The following FAM227A variants were observed in gnomAD, a reference collection of about 807,000 sequenced individuals.
FAM227A encodes the protein protein FAM227A.
In FAM227A, 80 loss-of-function variants were observed where a neutral mutation model predicts 74.7. The observed-to-expected ratio is 1.07, with a 90% CI of 0.89 to 1.29. FAM227A has a LOEUF of 1.29. Ranked by LOEUF, FAM227A falls within the 50% of genes most tolerant of loss-of-function variation. FAM227A has a pLI of 0.00. For missense variants in FAM227A, 654 were observed against 683.4 expected, an observed-to-expected ratio of 0.96 and a Z score of 0.48; for synonymous variants, 237 against 241.8, an observed-to-expected ratio of 0.98 and a Z score of 0.19.
chr22:38,598,509 A>T (rs1000299587), intron 14 of FAM227A, among the ~76,000 whole-genome samples: 2 of 152,204 alleles, frequency 1.3e-5, no homozygotes, highest in African/African-American at 4.8e-5. Context: ...GCAAGAAATA[A>T]AACACTATGA....
intron 3 of FAM227A, among the ~76,000 whole-genome samples, chr22:38,642,943 CAA>C (rs1274976726): frequency 2.0e-5 from 3 of 150,986 alleles, no homozygotes; most frequent in Non-Finnish European, 4.4e-5. Flanking sequence ...CTCAAAAAAA[CAA>C]AAACAAAAAA....
chr22:38,586,362 T>C (rs980390792), intron 16 of FAM227A, among the ~76,000 whole-genome samples, 163 bp from the exon 17 acceptor site: 2 of 152,218 alleles, frequency 1.3e-5, no homozygotes, highest in African/African-American at 4.8e-5. Context: ...GCAGGACAGC[T>C]GGCATCCACG....
At position 38,585,783 on chromosome 22, in the gene FAM227A, C is replaced by T. The variant is rs191433971; in HGVS notation, c.*342G>A. 7 of 392,020 alleles carry T rather than the reference C, an allele frequency of 1.8e-5. No individual in the cohort carries two copies. In the East Asian group the frequency reaches 2.6e-4, roughly 14 times the overall value. The allele number at this position is 392,020 out of a possible 1,614,324, so 24.3% of individuals were successfully genotyped here. ...GGAAACCTTTCTAAACCTGGGCTTG[C>T]TGCTGCGTAAAATGCAGTGGATAAT... On this transcript the variant is annotated 3_prime_UTR_variant, in exon 17 of 17. Coordinates refer to ENST00000535113, the MANE Select transcript of FAM227A (RefSeq NM_001013647.2).
intron 3 of FAM227A, among the ~76,000 whole-genome samples, chr22:38,639,935 C>G (rs1417792902): frequency 6.6e-6 from 1 of 152,136 alleles, no homozygotes; most frequent in Non-Finnish European, 1.5e-5. Context: ...TCACACTGCC[C>G]CTTCTTCTAG....
intron 8 of FAM227A, among the ~76,000 whole-genome samples, chr22:38,627,660 A>C (rs1346459540): frequency 6.6e-6 from 1 of 152,008 alleles, no homozygotes; most frequent in Non-Finnish European, 1.5e-5. Context: ...GCTGTAGTGC[A>C]ATGCTGCAAT....
intron 11 of FAM227A, among the ~76,000 whole-genome samples, chr22:38,610,176 G>A (rs1165008655): frequency 1.3e-5 from 2 of 151,788 alleles, no homozygotes; most frequent in Non-Finnish European, 2.9e-5. Flanking sequence ...ACCACACCTG[G>A]CTAATTTAAA....
intron 12 of FAM227A, among the ~76,000 whole-genome samples, chr22:38,606,757 T>C (rs748926058): frequency 6.6e-5 from 10 of 152,192 alleles, no homozygotes; most frequent in East Asian, 1.9e-4. Context: ...ACCTTAGTAA[T>C]TACTGGTTTC....
At position 38,636,480 on chromosome 22, in the gene FAM227A, G is replaced by C. The variant is rs892040515; in HGVS notation, c.490C>G (p.Arg164Gly). 11 of 1,551,436 alleles carry C rather than the reference G, an allele frequency of 7.1e-6. No homozygotes were observed. The highest frequency in any genetic ancestry group is 8.7e-6 in the Non-Finnish European group (10 of 1,146,856). The change falls in exon 6 of 17, where the codon CGG (arginine) becomes GGG (glycine). Residue 164 changes from arginine (R) to glycine (G), a missense_variant. Transcript: ENST00000535113. ...CCACTAAGGCAGTCTCTCTCAGCCC[G>C]GACCACGTTGCCCACCATGTCACAG... The part of the protein sequence containing the change: ...DFCDMVGNVV[R>G]AERDCLSGKH...
chr22:38,609,674 T>C (rs2091369141), intron 11 of FAM227A, among the ~76,000 whole-genome samples: 1 of 152,188 alleles, frequency 6.6e-6, no homozygotes, highest in Non-Finnish European at 1.5e-5. Flanking sequence ...TGCAGCTGGC[T>C]GTCCAACAGC....
rs16999173 is a variant in FAM227A at position 38,638,781 on chromosome 22, C to T, written c.337G>A (p.Glu113Lys). ...ACAGAAGATCTGGCATGTCTGAGTT[C>T]GGAGCCTTTGCAGGAATACTGAGAT... ...RKSQYSCKGS[E>K]LRHARSSVIK... is the part of the protein sequence containing the mutation. The change falls in exon 5 of 17, where the codon GAA becomes AAA. Residue 113 changes from glutamate (E) to lysine (K), a missense_variant. Glu to Lys is a moderately conservative substitution (Grantham distance 56). Transcript: ENST00000535113. 43,310 of 1,543,244 alleles carry T rather than the reference C, an allele frequency of 0.028. 1,208 individuals are homozygous for T. The highest frequency in any genetic ancestry group is 0.14 in the East Asian group (5,614 of 40,822).
intron 11 of FAM227A, among the ~76,000 whole-genome samples, chr22:38,615,745 G>C (rs1055183127): frequency 6.6e-6 from 1 of 152,174 alleles, no homozygotes. Context: ...GAGGTTTTAA[G>C]CAGGGAATAA....
chr22:38,614,097 T>C (rs189731239), intron 11 of FAM227A, among the ~76,000 whole-genome samples: 1 of 152,242 alleles, frequency 6.6e-6, no homozygotes, highest in African/African-American at 2.4e-5. Context: ...AGGATTCTAG[T>C]CCATGCCTAA....
At chr22:38,639,747 G>C in intron 3 of FAM227A, 23 bp from the exon 4 acceptor site, 1 of 1,467,978 alleles carries the variant, frequency 6.8e-7, no homozygotes, top group Non-Finnish European at 9.3e-7. Context: ...AGAAAAAGGG[G>C]GGCATTAGGG....
Position 38,591,458 on chromosome 22 carries a change from C to T in FAM227A, c.1615G>A (p.Glu539Lys). ...CCCTTAGTTTTCTTGTCAGGTGATT[C>T]CTCATTGACGGCTGAAGGTGGGATG... ...MFIPPSAVNEESPDKKTKEGK... is the reference protein window; with the variant it reads ...MFIPPSAVNEKSPDKKTKEGK... Residue 539 changes from glutamate to lysine, a missense_variant, in exon 16 of 17, where the codon GAA (glutamate) becomes AAA (lysine). Transcript: ENST00000535113. The T allele has an allele frequency of 6.4e-7, 1 of 1,551,284 alleles. No individual in the cohort carries two copies. The highest frequency in any genetic ancestry group is 8.7e-7 in the Non-Finnish European group (1 of 1,146,784).
chr22:38,600,815 G>C (rs1216729107), intron 13 of FAM227A, among the ~76,000 whole-genome samples: 1 of 152,000 alleles, frequency 6.6e-6, no homozygotes. Context: ...AGCTGGGCTT[G>C]GTGGCATGCG....
At chr22:38,646,542 G>A (rs1251082610) in intron 2 of FAM227A, among the ~76,000 whole-genome samples, 3 of 151,820 alleles carry the variant, frequency 2.0e-5, no homozygotes, top group African/African-American at 2.4e-5. Context: ...GATTACAGGC[G>A]TGAGCCACCG....
In FAM227A at chr22:38,600,949, T is replaced by A. The variant is rs1391818598; in HGVS notation, c.1222-1028A>T. Among the ~76,000 whole-genome samples the A allele has an allele frequency of 7.9e-5, 10 of 126,850 alleles. No individual in the cohort carries two copies. The East Asian group carries it at 1.9e-3, about 25-fold the overall frequency. 83.2% of individuals were successfully genotyped at this position (126,850 alleles called of 152,430 possible). A position where few individuals can be genotyped will look rare whatever the true frequency, so the allele number is the denominator to read the frequency against. On this transcript the variant is annotated intron_variant, in intron 13 of 16. Coordinates refer to ENST00000535113, the MANE Select transcript of FAM227A (RefSeq NM_001013647.2). The stretch of plus-strand genomic sequence containing the variant: ...CCTGGCGACAGAGTGAGACTCCGTC[T>A]CAAAAAAAAAAAAAAAGAAAATTAT...
intron 11 of FAM227A, among the ~76,000 whole-genome samples, chr22:38,613,312 C>CAT (rs1435078532): frequency 5.0e-4 from 28 of 56,542 alleles, no homozygotes; most frequent in African/African-American, 2.3e-3. Context: ...TAATATATAA[C>CAT]ATATAATATA....
intron 13 of FAM227A, among the ~76,000 whole-genome samples, chr22:38,604,725 C>T (rs2091248474): frequency 6.6e-6 from 1 of 152,172 alleles, no homozygotes; most frequent in East Asian, 1.9e-4. Flanking sequence ...GCGATCTTAG[C>T]TCACTGCAAC....
Sources: allele counts gnomAD v4.1 joint callset (sites outside exome capture counted in the v4.1 genomes callset), GRCh38; gene constraint gnomAD v4.1.1; transcripts MANE v1.5; gene names NCBI Gene and HGNC (gene_info 2026-07-23, HGNC 2026-07-21).